Variants in ZBTB11 observed in about 807,000 individuals in gnomAD.
ZBTB11 encodes the protein zinc finger and BTB domain-containing protein 11.
ZBTB11 carries 68 observed loss-of-function variants against 113.1 expected under a neutral mutation model. That is an observed-to-expected ratio of 0.60 (90% CI 0.49 to 0.74). ZBTB11 has a LOEUF of 0.74. Ranked by LOEUF, ZBTB11 falls within the 30% of genes least tolerant of loss-of-function variation. The pLI is 0.00. For missense variants in ZBTB11, 1,104 were observed against 1,279.4 expected, an observed-to-expected ratio of 0.86 and a Z score of 2.09; for synonymous variants, 518 against 452.6, an observed-to-expected ratio of 1.14 and a Z score of -1.83.
At position 101,665,755 on chromosome 3, in the gene ZBTB11, G is replaced by A; in HGVS notation, c.832C>T (p.Leu278=). The change falls in exon 4 of 11, where the codon CTA becomes TTA. Residue 278 remains leucine, a synonymous_variant. Transcript: ENST00000312938. ...GCCATGCTACAGAAATCAAAACTTAGTACAGAAGTATAGGCAAATTCCAGT... is the reference window on the plus strand; with the variant it reads ...GCCATGCTACAGAAATCAAAACTTAATACAGAAGTATAGGCAAATTCCAGT... ...PLLEFAYTSV[L]SFDFCSMADV... is the part of the protein sequence containing the mutation. The A allele has an allele frequency of 6.2e-7, 1 of 1,613,152 alleles. No homozygotes were observed. The highest frequency in any genetic ancestry group is 8.5e-7 in the Non-Finnish European group (1 of 1,179,726).
chr3:101,663,823 G>C (rs1472070728), intron 5 of ZBTB11, among the ~76,000 whole-genome samples: 4 of 152,178 alleles, frequency 2.6e-5, no homozygotes, highest in African/African-American at 9.7e-5. Flanking sequence ...CTGGGAGATG[G>C]AGGATGCAGT....
At chr3:101,659,594 C>T (rs1167196589) in intron 6 of ZBTB11, among the ~76,000 whole-genome samples, 189 bp downstream of exon 6, 1 of 152,160 alleles carries the variant, frequency 6.6e-6, no homozygotes, top group Non-Finnish European at 1.5e-5. Context: ...ATTCAAATTA[C>T]AACTTCAGAG....
At position 101,649,755 on chromosome 3, in the gene ZBTB11, C is replaced by A. The variant is rs1374399497; in HGVS notation, c.*1411G>T. ...CACAGCTATCACATTTATTCTTTAT[C>A]CTTAAAGCCATTTTTAAAGTAAACT... On this transcript the variant is annotated 3_prime_UTR_variant, in exon 11 of 11. Coordinates refer to ENST00000312938, the MANE Select transcript of ZBTB11 (RefSeq NM_014415.4). The A allele has an allele frequency of 2.0e-5, 3 of 152,610 alleles. No homozygotes were observed. Among genetic ancestry groups the A allele is most frequent in the African/African-American group, 7.2e-5 (3 of 41,436 alleles). 9.5% of individuals were successfully genotyped at this position (152,610 alleles called of 1,614,324 possible). A position where few individuals can be genotyped will look rare whatever the true frequency, so the allele number is the denominator to read the frequency against.
chr3:101,653,217 C>G (rs1355978721), intron 8 of ZBTB11, among the ~76,000 whole-genome samples: 1 of 152,108 alleles, frequency 6.6e-6, no homozygotes, highest in Non-Finnish European at 1.5e-5. Context: ...CTTTGAGATC[C>G]CTATTTCAAC....
intron 7 of ZBTB11, 179 bp downstream of exon 7, chr3:101,655,925 G>A (rs1936788226): frequency 2.9e-6 from 1 of 345,326 alleles, no homozygotes; most frequent in Admixed American, 5.2e-5. Flanking sequence ...CTCCCAAAGT[G>A]CTGGGGATTA....
In ZBTB11 at chr3:101,664,650, T is replaced by C. The variant is rs1268623409; in HGVS notation, c.1688A>G (p.Asn563Ser). The part of the protein sequence containing the change: ...MKQPKRDAKE[N>S]TEEASHKCGE... The stretch of plus-strand genomic sequence containing the variant: ...ACATTTATGAGATGCTTCTTCTGTG[T>C]TCTCTTTAGCATCTCTTTTTGGCTG... The change falls in exon 5 of 11, where the codon AAC (asparagine) becomes AGC (serine). Residue 563 changes from asparagine (N) to serine (S), a missense_variant. Transcript: ENST00000312938. 1 of 1,613,842 alleles carries C rather than the reference T, an allele frequency of 6.2e-7. No homozygotes were observed. The highest frequency in any genetic ancestry group is 1.1e-5 in the South Asian group (1 of 90,986).
chr3:101,677,076 C>G lies in ZBTB11; in HGVS notation c.-162G>C, dbSNP rs1432770915. 1 of 781,968 alleles carries G rather than the reference C, an allele frequency of 1.3e-6. No homozygotes were observed. The highest frequency in any genetic ancestry group is 1.8e-5 in the African/African-American group (1 of 55,490). 48.4% of individuals were successfully genotyped at this position (781,968 alleles called of 1,614,324 possible). On this transcript the variant is annotated 5_prime_UTR_variant, in exon 1 of 11. Coordinates refer to ENST00000312938, the MANE Select transcript of ZBTB11 (RefSeq NM_014415.4). Reference sequence around the variant, plus strand: ...TCCCTTAGTCCGAAGGAAAAGCGGGCGAGTTGGTAACCAGGGGGAACTGCA... The same window carrying G: ...TCCCTTAGTCCGAAGGAAAAGCGGGGGAGTTGGTAACCAGGGGGAACTGCA...
At position 101,673,625 on chromosome 3, in the gene ZBTB11, C is replaced by T. The variant is rs958794063; in HGVS notation, c.311-1412G>A. On this transcript the variant is annotated intron_variant, in intron 1 of 10. Coordinates refer to ENST00000312938, the MANE Select transcript of ZBTB11 (RefSeq NM_014415.4). ...GCCTCCTGGGTTCAAGTGATACTCCCACCTCAGCCTCCCGAGTAGCTGGGA... is the reference window on the plus strand; with the variant it reads ...GCCTCCTGGGTTCAAGTGATACTCCTACCTCAGCCTCCCGAGTAGCTGGGA... Among the ~76,000 whole-genome samples the T allele has an allele frequency of 4.6e-5, 7 of 151,972 alleles. No homozygotes were observed. The East Asian group carries it at 1.4e-3, about 29-fold the overall frequency.
chr3:101,672,339 TAG>T (rs1937097777), intron 1 of ZBTB11, 126 bp from the exon 2 acceptor site: 10 of 607,408 alleles, frequency 1.6e-5, no homozygotes, highest in African/African-American at 3.8e-5. Flanking sequence ...ATAAAATATG[TAG>T]AGTTTATTAG....
At position 101,659,957 on chromosome 3, in the gene ZBTB11, T is replaced by G. The variant is rs201802183; in HGVS notation, c.1872A>C (p.Ala624=). ...AHLIRHTRKD[A]PSSSSSNSTS... ...TGGAATTGGACGAGGATGAAGAGGG[T>G]GCATCTTTTCTGGTATGACGAATAA... The change falls in exon 6 of 11, where the codon GCA becomes GCC. Residue 624 remains alanine (A), a synonymous_variant. Transcript: ENST00000312938. 1 of 1,614,042 alleles carries G rather than the reference T, an allele frequency of 6.2e-7. No individual in the cohort carries two copies. Among genetic ancestry groups the G allele is most frequent in the African/African-American group, 1.3e-5 (1 of 74,914 alleles).
intron 3 of ZBTB11, among the ~76,000 whole-genome samples, chr3:101,666,185 C>CTA (rs1936993193): frequency 6.6e-6 from 1 of 152,048 alleles, no homozygotes; most frequent in Non-Finnish European, 1.5e-5. Context: ...ACCAACCTGT[C>CTA]CCCTAATCTC....
chr3:101,676,357 C>T, intron 1 of ZBTB11: 1 of 385,870 alleles, frequency 2.6e-6, no homozygotes, highest in Non-Finnish European at 4.5e-6. Context: ...CGCGGCTGGC[C>T]CGGCCTCCGG....
intron 6 of ZBTB11, among the ~76,000 whole-genome samples, chr3:101,657,221 C>A (rs1012869276): frequency 1.3e-5 from 2 of 150,388 alleles, no homozygotes; most frequent in Admixed American, 6.6e-5. Context: ...AAATAACTGG[C>A]GGAGCTGGGC....
chr3:101,669,412 T>C (rs1937049263), intron 3 of ZBTB11, among the ~76,000 whole-genome samples: 1 of 152,226 alleles, frequency 6.6e-6, no homozygotes, highest in South Asian at 2.1e-4. Flanking sequence ...TGCTGAACAA[T>C]ATACAAAAAT....
chr3:101,669,035 AT>A (rs80012472), intron 3 of ZBTB11, among the ~76,000 whole-genome samples: 4 of 151,546 alleles, frequency 2.6e-5, no homozygotes, highest in South Asian at 2.1e-4. Flanking sequence ...TTATGATAAA[AT>A]TTTTTTTTGT....
In ZBTB11 at chr3:101,649,696, T is replaced by C. The variant is rs1030462362; in HGVS notation, c.*1470A>G. 1 of 152,610 alleles carries C rather than the reference T, an allele frequency of 6.6e-6. No individual in the cohort carries two copies. The highest frequency in any genetic ancestry group is 2.4e-5 in the African/African-American group (1 of 41,450). 9.5% of individuals were successfully genotyped at this position (152,610 alleles called of 1,614,324 possible). A position where few individuals can be genotyped will look rare whatever the true frequency, so the allele number is the denominator to read the frequency against. ...GTCAGCCACACAGCTGTTAAAACAA[T>C]GGGAAATTTGCAAATGCAAATATAT... On this transcript the variant is annotated 3_prime_UTR_variant, in exon 11 of 11. Transcript: ENST00000312938.
At chr3:101,662,067 T>C (rs1936898808) in intron 5 of ZBTB11, 1 of 151,966 alleles carries the variant, frequency 6.6e-6, no homozygotes, top group Non-Finnish European at 1.5e-5. Flanking sequence ...TTTTTTACAC[T>C]AGTCAAGTGC....
chr3:101,670,929 G>A (rs1437337323), intron 3 of ZBTB11: 8 of 538,832 alleles, frequency 1.5e-5, no homozygotes, highest in African/African-American at 3.8e-5. Context: ...CACTTAAGAC[G>A]TAGTGAAAGG....
At chr3:101,675,716 A>T (rs1434073579) in intron 1 of ZBTB11, among the ~76,000 whole-genome samples, 1 of 152,188 alleles carries the variant, frequency 6.6e-6, no homozygotes, top group Non-Finnish European at 1.5e-5. Context: ...CAGTAATCGT[A>T]CCTTTTCTGC....
Sources: gnomAD v4.1 joint callset for allele counts (sites outside exome capture counted in the v4.1 genomes callset) on GRCh38, gnomAD v4.1.1 for gene constraint, MANE v1.5 for transcripts, NCBI Gene and HGNC (gene_info 2026-07-23, HGNC 2026-07-21) for gene names.